GRID2: variants seen among roughly 807,000 people sequenced by gnomAD.
The protein encoded by GRID2 is glutamate ionotropic receptor delta type subunit 2.
A neutral mutation model predicts 114.8 loss-of-function variants in GRID2; 33 were observed. The ratio of observed to expected loss-of-function variants is 0.29; its 90% confidence interval spans 0.22 to 0.38. GRID2 has a LOEUF of 0.38. Ranked by LOEUF, GRID2 falls within the 10% of genes least tolerant of loss-of-function variation. The pLI is 1.00. For synonymous variants in GRID2, 505 were observed against 449.9 expected, an observed-to-expected ratio of 1.12 and a Z score of -1.55; for missense variants, 1,184 against 1,257.7, an observed-to-expected ratio of 0.94 and a Z score of 0.89.
At chr4:93,618,917 T>C (rs1560826569) in intron 13 of GRID2, among the ~76,000 whole-genome samples, 2 of 152,196 alleles carry the variant, frequency 1.3e-5, no homozygotes, top group East Asian at 3.9e-4. Flanking sequence ...CAGTTTTCTA[T>C]TTTCCTAGAA....
At chr4:93,230,739 A>G (rs1304848808) in intron 7 of GRID2, among the ~76,000 whole-genome samples, 3 of 152,006 alleles carry the variant, frequency 2.0e-5, no homozygotes, top group Non-Finnish European at 4.4e-5. Flanking sequence ...AATCATTTTT[A>G]TTCACTCCTG....
chr4:92,417,996 A>G (rs866629361), intron 1 of GRID2, among the ~76,000 whole-genome samples: 16 of 152,258 alleles, frequency 1.1e-4, no homozygotes, highest in Middle Eastern at 3.4e-3. Context: ...ATGTGGAACT[A>G]TGAGTCCATT....
intron 2 of GRID2, among the ~76,000 whole-genome samples, chr4:93,015,201 A>G (rs1314300089): frequency 6.6e-6 from 1 of 152,148 alleles, no homozygotes; most frequent in Non-Finnish European, 1.5e-5. Flanking sequence ...GTAACCACTA[A>G]AAGATTAAAA....
Position 93,026,421 on chromosome 4 carries a change from G to A in GRID2, c.245-58574G>A, listed in dbSNP as rs182483432. ...TCATCAGTACAGAATGAATTATATC[G>A]GAAACAATTTTGTATCCTGAGCTTG... On this transcript the variant is annotated intron_variant, in intron 2 of 15. Coordinates refer to ENST00000282020, the MANE Select transcript of GRID2 (RefSeq NM_001510.4). 2.3e-3 allele frequency among the ~76,000 whole-genome samples: 352 copies of A among 151,784 alleles called. 1 individual carries two copies. Among genetic ancestry groups the A allele is most frequent in the Non-Finnish European group, 3.7e-3 (248 of 67,740 alleles).
At chr4:92,469,590 T>G (rs941774752) in intron 1 of GRID2, among the ~76,000 whole-genome samples, 2 of 152,006 alleles carry the variant, frequency 1.3e-5, no homozygotes, top group African/African-American at 2.4e-5. Context: ...CAGCCTGAGG[T>G]TGGTTGAATC....
intron 2 of GRID2, among the ~76,000 whole-genome samples, chr4:92,709,490 A>AG (rs1398998955): frequency 6.6e-6 from 1 of 151,192 alleles, no homozygotes; most frequent in Non-Finnish European, 1.5e-5. Context: ...GAGAGTTAAG[A>AG]GAAAAACTAG....
intron 8 of GRID2, among the ~76,000 whole-genome samples, chr4:93,324,783 G>T (rs2149216143): frequency 6.6e-6 from 1 of 152,170 alleles, no homozygotes; most frequent in South Asian, 2.1e-4. Flanking sequence ...ATGTTTCCAG[G>T]AATTTATCTA....
chr4:93,589,753 T>C (rs368593460), intron 13 of GRID2, among the ~76,000 whole-genome samples: 3,638 of 152,254 alleles, frequency 0.024, 62 homozygotes, highest in East Asian at 0.067. Flanking sequence ...TTCTAACTGG[T>C]GTGAGATGGT....
At chr4:93,791,751 A>AGACT (rs1382572730) in intron 1 of GRID2, among the ~76,000 whole-genome samples, 1 of 152,190 alleles carries the variant, frequency 6.6e-6, no homozygotes, top group Non-Finnish European at 1.5e-5. Flanking sequence ...CCTCTAGTAC[A>AGACT]GACTGACTCC....
intron 3 of GRID2, among the ~76,000 whole-genome samples, chr4:93,091,072 G>C (rs1040506287): frequency 3.9e-5 from 6 of 152,032 alleles, no homozygotes; most frequent in African/African-American, 1.4e-4. Context: ...TCATTTATTT[G>C]CCTTTTGTTT....
chr4:93,206,910 T>C (rs949262780), intron 4 of GRID2, among the ~76,000 whole-genome samples: 1 of 152,054 alleles, frequency 6.6e-6, no homozygotes, highest in Non-Finnish European at 1.5e-5. Context: ...TTCAGGAGAA[T>C]ACAGAGCAGT....
intron 1 of GRID2, among the ~76,000 whole-genome samples, chr4:92,373,548 G>A (rs1227436655): frequency 3.9e-5 from 6 of 152,030 alleles, no homozygotes; most frequent in Admixed American, 3.9e-4. Flanking sequence ...CAAATGTCAC[G>A]ACAAAATAAT....
chr4:93,617,382 T>C (rs542399269), intron 13 of GRID2, among the ~76,000 whole-genome samples: 1 of 152,318 alleles, frequency 6.6e-6, no homozygotes, highest in African/African-American at 2.4e-5. Flanking sequence ...AATCTTTTGA[T>C]TGATTTAGAA....
At chr4:93,359,906 G>A (rs1378505382) in intron 8 of GRID2, among the ~76,000 whole-genome samples, 30 of 126,164 alleles carry the variant, frequency 2.4e-4, no homozygotes, top group Admixed American at 2.2e-3. Flanking sequence ...AAAAAATGGG[G>A]TCAATAATAC....
At chr4:92,423,257 G>T (rs962177689) in intron 1 of GRID2, among the ~76,000 whole-genome samples, 3 of 152,088 alleles carry the variant, frequency 2.0e-5, no homozygotes, top group Admixed American at 2.0e-4. Flanking sequence ...AAAGCAAATG[G>T]AGTTAAGGAT....
intron 2 of GRID2, among the ~76,000 whole-genome samples, chr4:92,968,750 C>T (rs1753315933): frequency 6.6e-6 from 1 of 151,788 alleles, no homozygotes; most frequent in African/African-American, 2.4e-5. Context: ...ATTTACTCCA[C>T]CCACGTCCCC....
At chr4:93,434,418 G>A (rs1720866125) in intron 10 of GRID2, among the ~76,000 whole-genome samples, 1 of 151,968 alleles carries the variant, frequency 6.6e-6, no homozygotes, top group South Asian at 2.1e-4. Context: ...CCTGCACATT[G>A]TGCACATGTA....
At chr4:93,075,144 T>A (rs1174595764) in intron 2 of GRID2, among the ~76,000 whole-genome samples, 2 of 152,180 alleles carry the variant, frequency 1.3e-5, no homozygotes, top group Admixed American at 1.3e-4. Flanking sequence ...AAGGATAATT[T>A]AACATTCAGA....
intron 14 of GRID2, among the ~76,000 whole-genome samples, chr4:93,688,149 T>C (rs1455466644): frequency 1.3e-5 from 2 of 151,854 alleles, no homozygotes; most frequent in African/African-American, 4.8e-5. Context: ...ATAGAGGCAG[T>C]CTCACAAGTT....
Sources: allele counts gnomAD v4.1 joint callset (sites outside exome capture counted in the v4.1 genomes callset), GRCh38; gene constraint gnomAD v4.1.1; transcripts MANE v1.5; gene names NCBI Gene and HGNC (gene_info 2026-07-23, HGNC 2026-07-21).